The following AMBRA1 variants were observed in gnomAD, a reference collection of about 807,000 sequenced individuals.
The protein encoded by AMBRA1 is activating molecule in BECN1-regulated autophagy protein 1.
AMBRA1 carries 47 observed loss-of-function variants against 125.4 expected under a neutral mutation model. That is an observed-to-expected ratio of 0.37 (90% CI 0.30 to 0.48). The LOEUF (loss-of-function observed/expected upper bound fraction) is 0.48, where lower values mean the gene tolerates loss of function less well. Ranked by LOEUF, AMBRA1 falls within the 20% of genes least tolerant of loss-of-function variation. The pLI is 0.99. For synonymous variants in AMBRA1, 626 were observed against 655.5 expected (o/e 0.95, Z 0.69); for missense variants, 1,331 against 1,693.4 (o/e 0.79, Z 3.76).
intron 14 of AMBRA1, among the ~76,000 whole-genome samples, chr11:46,422,917 A>C (rs2136667397): frequency 6.6e-6 from 1 of 152,312 alleles, no homozygotes; most frequent in African/African-American, 2.4e-5. Flanking sequence ...CTGGAAACTG[A>C]GGCTAGAAGA....
chr11:46,432,861 G>T (rs1947519894), intron 14 of AMBRA1, among the ~76,000 whole-genome samples: 1 of 152,224 alleles, frequency 6.6e-6, no homozygotes, highest in Non-Finnish European at 1.5e-5. Context: ...TGGGACGTGG[G>T]ACGTTCACTC....
chr11:46,491,627 A>G (rs1950466508), intron 11 of AMBRA1, among the ~76,000 whole-genome samples: 1 of 152,232 alleles, frequency 6.6e-6, no homozygotes, highest in Non-Finnish European at 1.5e-5. Flanking sequence ...ATTGGTAGAA[A>G]CTAGTTTAAT....
intron 17 of AMBRA1, among the ~76,000 whole-genome samples, chr11:46,404,210 T>C (rs566418884): frequency 1.3e-5 from 2 of 152,120 alleles, no homozygotes; most frequent in East Asian, 3.9e-4. Context: ...ACAAAATAAA[T>C]AAATCTTGGT....
intron 11 of AMBRA1, among the ~76,000 whole-genome samples, chr11:46,468,504 AAAGG>A (rs1475184658): frequency 6.6e-6 from 1 of 152,114 alleles, no homozygotes; most frequent in African/African-American, 2.4e-5. Context: ...CTCTTAAAGA[AAAGG>A]AAGGCCAGGG....
chr11:46,428,027 A>G (rs999633936), intron 14 of AMBRA1, among the ~76,000 whole-genome samples: 9 of 151,414 alleles, frequency 5.9e-5, no homozygotes, highest in Non-Finnish European at 1.0e-4. Context: ...AAAAAAAAAA[A>G]AAAAGTAACA....
chr11:46,464,508 T>C (rs778931063), intron 11 of AMBRA1, among the ~76,000 whole-genome samples: 1 of 152,080 alleles, frequency 6.6e-6, no homozygotes, highest in Non-Finnish European at 1.5e-5. Context: ...GGTCTACAGA[T>C]AGGCTTCAGG....
At chr11:46,470,588 C>CAAAA (rs766521795) in intron 11 of AMBRA1, among the ~76,000 whole-genome samples, 110 of 53,414 alleles carry the variant, frequency 2.1e-3, no homozygotes, top group African/African-American at 7.3e-3. Context: ...GACTCCGTCT[C>CAAAA]AAAAAAAAAA....
At chr11:46,520,449 G>A (rs942523136) in intron 7 of AMBRA1, among the ~76,000 whole-genome samples, 5 of 152,038 alleles carry the variant, frequency 3.3e-5, no homozygotes, top group South Asian at 2.1e-4. Flanking sequence ...TCCCACCTAC[G>A]TTATTTATCT....
intron 14 of AMBRA1, among the ~76,000 whole-genome samples, chr11:46,425,571 G>A (rs1489371576): frequency 1.3e-5 from 2 of 152,136 alleles, no homozygotes; most frequent in Admixed American, 1.3e-4. Context: ...GCTGGGCGCG[G>A]TAGCTCACGC....
chr11:46,538,145 A>G (rs1952564111), intron 7 of AMBRA1, among the ~76,000 whole-genome samples: 1 of 152,220 alleles, frequency 6.6e-6, no homozygotes, highest in South Asian at 2.1e-4. Flanking sequence ...CAGCCATTCA[A>G]ATGGTGGTCC....
chr11:46,593,765 G>T (rs886833616), intron 1 of AMBRA1, 63 bp downstream of exon 1: 1 of 392,236 alleles, frequency 2.5e-6, no homozygotes, highest in Non-Finnish European at 4.5e-6. Flanking sequence ...CGGCGCCAAG[G>T]TCTTCTCAAC....
At chr11:46,468,318 T>C (rs1243647389) in intron 11 of AMBRA1, among the ~76,000 whole-genome samples, 1 of 151,344 alleles carries the variant, frequency 6.6e-6, no homozygotes, top group East Asian at 2.0e-4. Flanking sequence ...GGCAGGAGGA[T>C]GGCTTGAGTC....
At position 46,508,379 on chromosome 11, in the gene AMBRA1, G is replaced by C; in HGVS notation, c.2160-9C>G. The C allele has an allele frequency of 6.2e-7, 1 of 1,611,732 alleles. No homozygotes were observed. Among genetic ancestry groups the C allele is most frequent in the Non-Finnish European group, 8.5e-7 (1 of 1,178,168 alleles). ...ATGCAGCAGGAGATAATCTGAGAGAGACAGAGATGGACAAACACAAACTAG... is the reference window on the plus strand; with the variant it reads ...ATGCAGCAGGAGATAATCTGAGAGACACAGAGATGGACAAACACAAACTAG... On this transcript the variant is annotated splice_polypyrimidine_tract_variant and intron_variant, in intron 8 of 17. Transcript: ENST00000683756.
chr11:46,494,907 A>G (rs1247810447), intron 9 of AMBRA1: 1 of 152,230 alleles, frequency 6.6e-6, no homozygotes, highest in Non-Finnish European at 1.5e-5. Context: ...CTAGGTTCCA[A>G]TACAAAGGTT....
intron 1 of AMBRA1, among the ~76,000 whole-genome samples, chr11:46,569,737 G>GTGAAAT (rs2043687652): frequency 6.6e-6 from 1 of 151,912 alleles, no homozygotes. Flanking sequence ...GGCCAACATG[G>GTGAAAT]CTAGTCATGT....
intron 11 of AMBRA1, among the ~76,000 whole-genome samples, chr11:46,445,682 C>T (rs913372559): frequency 2.6e-5 from 4 of 152,046 alleles, no homozygotes; most frequent in Admixed American, 6.6e-5. Context: ...ACTGAGTTTC[C>T]GAATTGTTTC....
intron 1 of AMBRA1, among the ~76,000 whole-genome samples, chr11:46,565,766 T>A (rs539528871): frequency 2.3e-4 from 35 of 152,072 alleles, no homozygotes; most frequent in Non-Finnish European, 8.8e-5. Context: ...AAAAAATTTA[T>A]AAAAATTCAG....
chr11:46,495,907 T>TTTTC (rs1950612678), intron 9 of AMBRA1, among the ~76,000 whole-genome samples: 1 of 152,056 alleles, frequency 6.6e-6, no homozygotes, highest in Non-Finnish European at 1.5e-5. Flanking sequence ...TATTTTGAAG[T>TTTTC]TAAAAAGGAT....
intron 7 of AMBRA1, among the ~76,000 whole-genome samples, chr11:46,537,608 C>T (rs994470571): frequency 3.9e-5 from 6 of 152,318 alleles, no homozygotes; most frequent in Middle Eastern, 3.4e-3. Context: ...AGGCCCACCA[C>T]TCAAGTTGCA....
Sources: gnomAD v4.1 joint callset for allele counts (sites outside exome capture counted in the v4.1 genomes callset) on GRCh38, gnomAD v4.1.1 for gene constraint, MANE v1.5 for transcripts, NCBI Gene and HGNC (gene_info 2026-07-23, HGNC 2026-07-21) for gene names.